The following ANKRD6 variants were observed in gnomAD, a reference collection of about 807,000 sequenced individuals.
ANKRD6 encodes ankyrin repeat domain 6, also known as ankyrin repeat domain-containing protein 6.
In ANKRD6, 56 loss-of-function variants were observed where a neutral mutation model predicts 82.3. That is an observed-to-expected ratio of 0.68 (90% confidence interval 0.55 to 0.85). The LOEUF (loss-of-function observed/expected upper bound fraction) is 0.85. Ranked by LOEUF, ANKRD6 falls within the 40% of genes least tolerant of loss-of-function variation. The pLI, the probability that ANKRD6 is intolerant of heterozygous loss-of-function variation, is 0.00. For synonymous variants in ANKRD6, 347 were observed against 352.1 expected, an observed-to-expected ratio of 0.99 and a Z score of 0.16; for missense variants, 852 against 907.6, an observed-to-expected ratio of 0.94 and a Z score of 0.79.
chr6:89,473,817 TA>T (rs950670431), intron 1 of ANKRD6, among the ~76,000 whole-genome samples: 254 of 143,376 alleles, frequency 1.8e-3, no homozygotes, highest in African/African-American at 2.4e-3. Flanking sequence ...CATCTCTACT[TA>T]AAAAAAAAAA....
At chr6:89,626,820 T>C (rs1805839018) in intron 13 of ANKRD6, among the ~76,000 whole-genome samples, 1 of 152,248 alleles carries the variant, frequency 6.6e-6, no homozygotes, top group African/African-American at 2.4e-5. Flanking sequence ...TGACAACTGC[T>C]TGTTCTCTGA....
chr6:89,516,551 T>G (rs1014975937), intron 1 of ANKRD6, among the ~76,000 whole-genome samples: 4 of 152,142 alleles, frequency 2.6e-5, no homozygotes, highest in Non-Finnish European at 5.9e-5. Flanking sequence ...CTCAGCTCAC[T>G]GCAACCTCCA....
chr6:89,442,904 G>C (rs1771602360), intron 1 of ANKRD6, among the ~76,000 whole-genome samples: 1 of 152,140 alleles, frequency 6.6e-6, no homozygotes, highest in Non-Finnish European at 1.5e-5. Context: ...ACTCTCAGTT[G>C]ATCTCATTAG....
At chr6:89,529,085 AAG>A (rs1782843698) in intron 1 of ANKRD6, among the ~76,000 whole-genome samples, 1 of 152,184 alleles carries the variant, frequency 6.6e-6, no homozygotes, top group South Asian at 2.1e-4. Flanking sequence ...AGCCCCTAAC[AAG>A]AGAGTCACCC....
At chr6:89,489,691 G>A (rs1193620882) in intron 1 of ANKRD6, among the ~76,000 whole-genome samples, 4 of 152,212 alleles carry the variant, frequency 2.6e-5, no homozygotes, top group Non-Finnish European at 5.9e-5. Flanking sequence ...CATTTCGTTG[G>A]AGCTGGGGAT....
At chr6:89,504,148 G>T (rs2127904646) in intron 1 of ANKRD6, among the ~76,000 whole-genome samples, 1 of 139,636 alleles carries the variant, frequency 7.2e-6, no homozygotes, top group East Asian at 2.5e-4. Flanking sequence ...GGGTGGGGGG[G>T]AAGGAAGAAC....
At chr6:89,607,789 G>A in intron 5 of ANKRD6, among the ~76,000 whole-genome samples, 1 of 151,724 alleles carries the variant, frequency 6.6e-6, no homozygotes, top group Non-Finnish European at 1.5e-5. Flanking sequence ...CTAAGTAGCT[G>A]GGCATGTGCC....
intron 1 of ANKRD6, among the ~76,000 whole-genome samples, chr6:89,471,413 G>A (rs1775451543): frequency 6.6e-6 from 1 of 150,832 alleles, no homozygotes; most frequent in Non-Finnish European, 1.5e-5. Context: ...AATTGCTGGA[G>A]TTACTAGCAC....
chr6:89,486,024 C>G (rs893498097), intron 1 of ANKRD6, among the ~76,000 whole-genome samples: 21 of 152,224 alleles, frequency 1.4e-4, no homozygotes, highest in African/African-American at 5.1e-4. Context: ...TCAGTAATAA[C>G]TACATTTTGA....
chr6:89,569,167 G>T (rs1789214778), intron 2 of ANKRD6, among the ~76,000 whole-genome samples: 1 of 152,004 alleles, frequency 6.6e-6, no homozygotes, highest in South Asian at 2.1e-4. Context: ...CACCCACCTT[G>T]GCCTCCCAAA....
rs370778952 is a variant in ANKRD6 at position 89,629,146 on chromosome 6, T to C, written c.1520T>C (p.Met507Thr). The C allele has an allele frequency of 7.4e-6, 12 of 1,613,624 alleles. No homozygotes were observed. The highest frequency in any genetic ancestry group is 3.3e-5 in the Admixed American group (2 of 59,988). ...SLVDELKTWC[M>T]LKIQNLEQKL... ...GTGGATGAATTAAAAACCTGGTGCA[T>C]GTTAAAGATTCAGAATCTGGAGCAG... Residue 507 changes from methionine (M) to threonine (T), a missense_variant, in exon 15 of 16, where the codon ATG (methionine) becomes ACG (threonine). Coordinates refer to ENST00000339746, the MANE Select transcript of ANKRD6 (RefSeq NM_001242809.2).
chr6:89,508,028 A>G (rs1474413252), intron 1 of ANKRD6, among the ~76,000 whole-genome samples: 2 of 152,336 alleles, frequency 1.3e-5, no homozygotes, highest in African/African-American at 4.8e-5. Flanking sequence ...ACACCTGTAT[A>G]CCTACCACCT....
intron 1 of ANKRD6, among the ~76,000 whole-genome samples, chr6:89,445,431 C>T (rs573956496): frequency 2.2e-4 from 34 of 151,130 alleles, no homozygotes; most frequent in Non-Finnish European, 3.1e-4. Context: ...CCACCATGCC[C>T]GGCTAATTTT....
intron 1 of ANKRD6, among the ~76,000 whole-genome samples, chr6:89,547,481 G>T (rs1392117034): frequency 6.6e-6 from 1 of 152,120 alleles, no homozygotes; most frequent in Non-Finnish European, 1.5e-5. Flanking sequence ...GGCCTCCGGG[G>T]GTGTCACCTG....
intron 3 of ANKRD6, among the ~76,000 whole-genome samples, chr6:89,601,400 A>G (rs1256726353): frequency 6.6e-6 from 1 of 152,174 alleles, no homozygotes. Flanking sequence ...AACAGTGGGA[A>G]GAGAGTCTGT....
At chr6:89,622,294 G>A (rs919434700) in intron 10 of ANKRD6, among the ~76,000 whole-genome samples, 13 of 152,222 alleles carry the variant, frequency 8.5e-5, no homozygotes, top group African/African-American at 2.7e-4. Context: ...AGGTATCTGT[G>A]GCCTTTGCCC....
At chr6:89,473,820 A>G (rs1156611911) in intron 1 of ANKRD6, among the ~76,000 whole-genome samples, 2 of 151,946 alleles carry the variant, frequency 1.3e-5, no homozygotes, top group African/African-American at 4.8e-5. Flanking sequence ...CTCTACTTAA[A>G]AAAAAAAAAA....
intron 1 of ANKRD6, among the ~76,000 whole-genome samples, chr6:89,447,846 C>G (rs896836448): frequency 1.0e-4 from 7 of 68,804 alleles, no homozygotes; most frequent in Non-Finnish European, 5.5e-5. Context: ...TGCCACCACG[C>G]CCAGCTAATT....
In ANKRD6 at chr6:89,507,310, C is replaced by A. The variant is rs558883176; in HGVS notation, c.-143-59524C>A. On this transcript the variant is annotated intron_variant, in intron 1 of 15. Coordinates refer to ENST00000339746, the MANE Select transcript of ANKRD6 (RefSeq NM_001242809.2). The stretch of plus-strand genomic sequence containing the variant: ...TATTCTCAGTATTTGATATGAACAG[C>A]AATTTTAGCATACTCTTCACTATAA... Among the ~76,000 whole-genome samples the A allele has an allele frequency of 6.6e-5, 10 of 152,206 alleles. No homozygotes were observed. In the East Asian group the frequency reaches 1.9e-3, roughly 29 times the overall value.
Sources: allele counts gnomAD v4.1 joint callset (sites outside exome capture counted in the v4.1 genomes callset), GRCh38; gene constraint gnomAD v4.1.1; transcripts MANE v1.5; gene names NCBI Gene and HGNC (gene_info 2026-07-23, HGNC 2026-07-21).